SETBP1: variants seen among roughly 807,000 people sequenced by gnomAD.
SETBP1 encodes the protein SET-binding protein.
A neutral mutation model predicts 101.0 loss-of-function variants in SETBP1; 9 were observed. The ratio of observed to expected loss-of-function variants is 0.09; its 90% confidence interval spans 0.05 to 0.16. The LOEUF (loss-of-function observed/expected upper bound fraction) is 0.16. Ranked by LOEUF, SETBP1 falls within the 10% of genes least tolerant of loss-of-function variation. The pLI is 1.00. For missense variants in SETBP1, 1,858 were observed against 2,033.8 expected, an observed-to-expected ratio of 0.91 and a Z score of 1.66; for synonymous variants, 818 against 788.5, an observed-to-expected ratio of 1.04 and a Z score of -0.63.
At chr18:44,879,968 C>T (rs1434194383) in intron 3 of SETBP1, among the ~76,000 whole-genome samples, 1 of 152,128 alleles carries the variant, frequency 6.6e-6, no homozygotes, top group Non-Finnish European at 1.5e-5. Context: ...AGAGTATTGC[C>T]TCATTTAAGC....
intron 2 of SETBP1, among the ~76,000 whole-genome samples, chr18:44,796,478 C>T (rs901795871): frequency 2.6e-5 from 4 of 152,164 alleles, no homozygotes; most frequent in East Asian, 1.9e-4. Context: ...GCCTGTTTCC[C>T]TCCTAAAGAG....
chr18:45,048,569 A>T (rs1466322912), intron 5 of SETBP1, among the ~76,000 whole-genome samples: 1 of 152,202 alleles, frequency 6.6e-6, no homozygotes, highest in Non-Finnish European at 1.5e-5. Flanking sequence ...GTTAGTGGCT[A>T]TATCAAGCTC....
chr18:44,908,703 C>A (rs2070234857), intron 3 of SETBP1, among the ~76,000 whole-genome samples: 1 of 152,076 alleles, frequency 6.6e-6, no homozygotes, highest in Non-Finnish European at 1.5e-5. Context: ...ATTTTAGGGT[C>A]AACTTGTCAA....
chr18:44,741,756 G>A (rs1158527976), intron 2 of SETBP1, among the ~76,000 whole-genome samples: 3 of 152,136 alleles, frequency 2.0e-5, no homozygotes, highest in African/African-American at 7.2e-5. Flanking sequence ...CTTCCACTGA[G>A]GAGCGTGAAG....
rs759364124 is a variant in SETBP1, at chr18:44,952,683, G to A, written c.3343G>A (p.Val1115Ile). Reference protein sequence around the residue: ...GAAKHKAKHGVHLQGPVSMGL... With the variant: ...GAAKHKAKHGIHLQGPVSMGL... ...AGCTAAGCATAAAGCCAAGCATGGA[G>A]TACACCTGCAGGGACCTGTTAGCAT... Residue 1115 changes from valine to isoleucine, a missense_variant, in exon 4 of 6, where the codon GTA (valine) becomes ATA (isoleucine). Physicochemically the swap from Val to Ile is conservative, Grantham distance 29 (BLOSUM62 3). This residue lies in a region of SETBP1 where 417 missense variants were observed against 389.1 expected (regional missense o/e 1.07). Coordinates refer to ENST00000649279, the MANE Select transcript of SETBP1 (RefSeq NM_015559.3). 6.8e-6 allele frequency: 11 copies of A among 1,614,016 alleles called. No individual in the cohort carries two copies. Among genetic ancestry groups the A allele is most frequent in the Non-Finnish European group, 9.3e-6 (11 of 1,180,036 alleles).
chr18:44,767,716 CAT>C (rs1309391875), intron 2 of SETBP1, among the ~76,000 whole-genome samples: 2 of 152,326 alleles, frequency 1.3e-5, no homozygotes, highest in East Asian at 3.9e-4. Flanking sequence ...TGTTTGATAT[CAT>C]GTGAAAATTA....
intron 2 of SETBP1, among the ~76,000 whole-genome samples, chr18:44,779,938 A>G (rs900864515): frequency 2.0e-5 from 3 of 151,768 alleles, no homozygotes; most frequent in Non-Finnish European, 4.4e-5. Flanking sequence ...ACGCACGCAC[A>G]CACACACGCA....
intron 3 of SETBP1, chr18:44,870,706 T>A (rs1034183033): frequency 2.0e-5 from 3 of 152,146 alleles, no homozygotes; most frequent in Admixed American, 1.3e-4. Context: ...TCCAGGTAAA[T>A]ATTTTGTTTT....
In SETBP1 at chr18:44,950,853, A is replaced by G; in HGVS notation, c.1513A>G (p.Thr505Ala). Reference sequence around the variant, plus strand: ...GCCGCGGAAGCCACCCATGGTCATGACACCTCCAACGTGCACAGATCACTC... The same window carrying G: ...GCCGCGGAAGCCACCCATGGTCATGGCACCTCCAACGTGCACAGATCACTC... ...SKPRKPPMVMTPPTCTDHSPS... is the reference protein window; with the variant it reads ...SKPRKPPMVMAPPTCTDHSPS... Residue 505 changes from threonine to alanine, a missense_variant, in exon 4 of 6, where the codon ACA (threonine) becomes GCA (alanine). Thr to Ala is a moderately conservative substitution (Grantham distance 58). Coordinates refer to ENST00000649279, the MANE Select transcript of SETBP1 (RefSeq NM_015559.3). 6.2e-7 allele frequency: 1 copy of G among 1,614,148 alleles called. No individual in the cohort carries two copies. The highest frequency in any genetic ancestry group is 1.3e-5 in the African/African-American group (1 of 75,046).
chr18:44,920,896 A>G (rs2070565595), intron 3 of SETBP1, among the ~76,000 whole-genome samples: 1 of 152,214 alleles, frequency 6.6e-6, no homozygotes, highest in African/African-American at 2.4e-5. Context: ...CCCTGCCATC[A>G]TTCTTCAATT....
chr18:44,966,417 T>C (rs2071722001), intron 4 of SETBP1, among the ~76,000 whole-genome samples: 1 of 152,208 alleles, frequency 6.6e-6, no homozygotes, highest in Admixed American at 6.5e-5. Context: ...TCTCACCTAC[T>C]AATTTTCTTA....
rs548798130 is a variant in SETBP1 at position 45,013,208 on chromosome 18, T to TG, written c.4001-25271dup. Among the ~76,000 whole-genome samples, 28 of 152,238 alleles carry TG rather than the reference T, an allele frequency of 1.8e-4. No homozygotes were observed. In the South Asian group the frequency reaches 5.6e-3, roughly 31 times the overall value. On this transcript the variant is annotated intron_variant, in intron 4 of 5. Transcript: ENST00000649279. Reference sequence around the variant, plus strand: ...GCCATTCCTGGAGGCTGAGATAACATGGGGGGACCCAGAGCTCACCTCCTT... The same window carrying TG: ...GCCATTCCTGGAGGCTGAGATAACATGGGGGGGACCCAGAGCTCACCTCCTT...
chr18:44,940,528 CT>C (rs1442300446), intron 3 of SETBP1, among the ~76,000 whole-genome samples: 5 of 152,108 alleles, frequency 3.3e-5, no homozygotes, highest in South Asian at 2.1e-4. Context: ...AGATATGCAA[CT>C]TTTTTTAATA....
At chr18:44,990,646 TACAC>T (rs1010088402) in intron 4 of SETBP1, among the ~76,000 whole-genome samples, 1 of 148,596 alleles carries the variant, frequency 6.7e-6, no homozygotes, top group Admixed American at 6.7e-5. Flanking sequence ...AAAAAAAACA[TACAC>T]ACACACACAG....
chr18:44,841,686 A>G (rs922736248), intron 2 of SETBP1, among the ~76,000 whole-genome samples: 2 of 152,234 alleles, frequency 1.3e-5, no homozygotes, highest in African/African-American at 4.8e-5. Context: ...GATCCCATCA[A>G]TTACCTTCTT....
At chr18:45,001,756 A>G (rs2072622648) in intron 4 of SETBP1, among the ~76,000 whole-genome samples, 1 of 152,172 alleles carries the variant, frequency 6.6e-6, no homozygotes, top group East Asian at 1.9e-4. Flanking sequence ...GTAACATACC[A>G]AGATGCCACA....
chr18:44,890,341 T>C (rs1893643824), intron 3 of SETBP1, among the ~76,000 whole-genome samples: 1 of 152,092 alleles, frequency 6.6e-6, no homozygotes, highest in Non-Finnish European at 1.5e-5. Flanking sequence ...AAGAACGACA[T>C]TGTGAAACAT....
Position 45,063,756 on chromosome 18 carries a change from G to T in SETBP1, c.*58G>T. The T allele has an allele frequency of 6.5e-7, 1 of 1,550,248 alleles. No homozygotes were observed. Among genetic ancestry groups the T allele is most frequent in the South Asian group, 1.2e-5 (1 of 84,384 alleles). Reference sequence around the variant, plus strand: ...GGAACTGACACGTGGGAAGCGCAGTGAGCCGGGGCGGGGGCGGAATCCCCC... The same window carrying T: ...GGAACTGACACGTGGGAAGCGCAGTTAGCCGGGGCGGGGGCGGAATCCCCC... On this transcript the variant is annotated 3_prime_UTR_variant, in exon 6 of 6. Transcript: ENST00000649279.
chr18:44,771,437 A>G (rs1262616587), intron 2 of SETBP1, among the ~76,000 whole-genome samples: 1 of 151,936 alleles, frequency 6.6e-6, no homozygotes, highest in Non-Finnish European at 1.5e-5. Flanking sequence ...CATAACAAGC[A>G]CAATGAGAAT....
Sources: gnomAD v4.1 joint callset for allele counts (sites outside exome capture counted in the v4.1 genomes callset) on GRCh38, gnomAD v4.1.1 for gene constraint, gnomAD v4.1.1 regional missense constraint, MANE v1.5 for transcripts, NCBI Gene and HGNC (gene_info 2026-07-23, HGNC 2026-07-21) for gene names.